Variants in GALR2 observed in about 807,000 individuals in gnomAD.
GALR2 encodes the protein galanin receptor type 2.
GALR2 carries 5 observed loss-of-function variants against 7.2 expected under a neutral mutation model. That is an observed-to-expected ratio of 0.69 (90% CI 0.36 to 1.45). The LOEUF is 1.45. GALR2 is among the 40% of genes most tolerant of loss of function. The pLI is 0.03. For synonymous variants in GALR2, 300 were observed against 263.9 expected, an observed-to-expected ratio of 1.14 and a Z score of -1.32; for missense variants, 561 against 555.7, an observed-to-expected ratio of 1.01 and a Z score of -0.10.
Position 76,075,137 on chromosome 17 carries a change from T to G in GALR2, c.254T>G (p.Ile85Ser). 6.2e-7 allele frequency: 1 copy of G among 1,612,756 alleles called. No individual in the cohort carries two copies. The highest frequency in any genetic ancestry group is 8.5e-7 in the Non-Finnish European group (1 of 1,180,002). The part of the protein sequence containing the change: ...ILCCVPFQAT[I>S]YTLDGWVFGS... The stretch of plus-strand genomic sequence containing the variant: ...TGCTGCGTGCCCTTCCAGGCCACCA[T>G]CTACACCCTGGACGGCTGGGTGTTC... Residue 85 changes from isoleucine to serine, a missense_variant, in exon 1 of 2, where the codon ATC becomes AGC. Ile to Ser is a moderately radical substitution (Grantham distance 142). Coordinates refer to ENST00000329003, the MANE Select transcript of GALR2 (RefSeq NM_003857.4). This position sits in a 1 kb window ranked among gnomAD's most constrained non-coding sequence, Gnocchi z 5.9.
chr17:76,074,382 C>A (rs1381216040), upstream of GALR2, among the ~76,000 whole-genome samples: 1 of 152,218 alleles, frequency 6.6e-6, no homozygotes, highest in African/African-American at 2.4e-5. This position sits in a 1 kb window ranked among gnomAD's most constrained non-coding sequence, Gnocchi z 6.7. Context: ...TGAGGGCACC[C>A]CAGCCCCTCG....
rs2066895503 is a variant in GALR2 at position 76,077,247 on chromosome 17, G to A, written c.980G>A (p.Arg327Gln). Reference sequence around the variant, plus strand: ...TCGGGCCGTGTGTGCGCTGCCGCGCGGGGCACCCACAGTGGCAGCGTGTTG... The same window carrying A: ...TCGGGCCGTGTGTGCGCTGCCGCGCAGGGCACCCACAGTGGCAGCGTGTTG... ...RASGRVCAAA[R>Q]GTHSGSVLER... The change falls in exon 2 of 2, where the codon CGG (arginine) becomes CAG (glutamine). Residue 327 changes from arginine to glutamine, a missense_variant. Transcript: ENST00000329003. The A allele has an allele frequency of 6.2e-7, 1 of 1,604,768 alleles. No individual in the cohort carries two copies. The highest frequency in any genetic ancestry group is 1.7e-5 in the Admixed American group (1 of 59,278).
upstream of GALR2, among the ~76,000 whole-genome samples, chr17:76,073,488 G>T (rs1377736675): frequency 8.8e-5 from 11 of 124,876 alleles, no homozygotes; most frequent in Non-Finnish European, 1.7e-5. Context: ...TGGAGACGGG[G>T]TTTCACCATG....
chr17:76,072,541 TGG>T, upstream of GALR2: 1 of 1,552,338 alleles, frequency 6.4e-7, no homozygotes, highest in African/African-American at 1.4e-5. This position sits in a 1 kb window ranked among gnomAD's most constrained non-coding sequence, Gnocchi z 4.5. Context: ...CGGGACGACC[TGG>T]GCGGGTGAGA....
chr17:76,076,572 G>A lies in GALR2; in HGVS notation c.369-64G>A. The A allele has an allele frequency of 9.0e-7, 1 of 1,106,758 alleles. No homozygotes were observed. Among genetic ancestry groups the A allele is most frequent in the Non-Finnish European group, 1.3e-6 (1 of 766,850 alleles). The allele number at this position is 1,106,758 out of a possible 1,614,324, so 68.6% of individuals were successfully genotyped here. A position where few individuals can be genotyped will look rare whatever the true frequency, so the allele number is the denominator to read the frequency against. ...GCAGCCTTGGGACCGAGGTGCAGGG[G>A]TCGCGGCCCTCCAGCATGAATGTGC... On this transcript the variant is annotated intron_variant, in intron 1 of 1. Transcript: ENST00000329003. This position sits in a 1 kb window ranked among gnomAD's most constrained non-coding sequence, Gnocchi z 6.5.
At chr17:76,072,024 A>G, upstream of GALR2, 1 of 545,796 alleles carries the variant, frequency 1.8e-6, no homozygotes, top group Non-Finnish European at 3.2e-6. This position sits in a 1 kb window ranked among gnomAD's most constrained non-coding sequence, Gnocchi z 4.5. Context: ...CTTGGTCACA[A>G]GCCCTCCAAC....
At chr17:76,072,906 C>T (rs772617809), upstream of GALR2, among the ~76,000 whole-genome samples, 2 of 152,214 alleles carry the variant, frequency 1.3e-5, no homozygotes, top group African/African-American at 2.4e-5. This position sits in a 1 kb window ranked among gnomAD's most constrained non-coding sequence, Gnocchi z 4.5. Flanking sequence ...AGATGGGGTC[C>T]TCCCTACCGG....
rs145000591 is a variant in GALR2 at position 76,077,149 on chromosome 17, G to C, written c.882G>C (p.Leu294=). The C allele has an allele frequency of 1.9e-6, 3 of 1,612,698 alleles. No homozygotes were observed. Among genetic ancestry groups the C allele is most frequent in the Non-Finnish European group, 2.5e-6 (3 of 1,179,788 alleles). The change falls in exon 2 of 2, where the codon CTG becomes CTC. Residue 294 remains leucine (L), a synonymous_variant. Coordinates refer to ENST00000329003, the MANE Select transcript of GALR2 (RefSeq NM_003857.4). ...NSCVNPIVYA[L]VSKHFRKGFR... ...GCGTCAACCCCATCGTTTACGCGCT[G>C]GTCTCCAAGCACTTCCGCAAAGGCT...
At chr17:76,074,666 G>T (rs542763311), upstream of GALR2, 18 of 550,880 alleles carry the variant, frequency 3.3e-5, no homozygotes, top group South Asian at 4.2e-4. The surrounding 1 kb of genome is among the most constrained non-coding windows in gnomAD (Gnocchi z 6.7). Context: ...CCCCAGCGCC[G>T]CCGGCCGCTG....
upstream of GALR2, among the ~76,000 whole-genome samples, chr17:76,073,289 A>C (rs2066869966): frequency 6.8e-6 from 1 of 147,424 alleles, no homozygotes. Context: ...AGGAAGATTA[A>C]ATGACGGATT....
upstream of GALR2, chr17:76,072,446 T>TGCCGCCGCCGCC (rs536477130): frequency 4.6e-4 from 726 of 1,579,288 alleles, 3 homozygotes; most frequent in African/African-American, 8.9e-3. The surrounding 1 kb of genome is among the most constrained non-coding windows in gnomAD (Gnocchi z 4.5). Context: ...CCGCCGCCAC[T>TGCCGCCGCCGCC]GCCGCCGCCG....
upstream of GALR2, chr17:76,072,502 C>A (rs760011014): frequency 4.4e-6 from 7 of 1,580,530 alleles, no homozygotes; most frequent in Admixed American, 3.5e-5. The surrounding 1 kb of genome is among the most constrained non-coding windows in gnomAD (Gnocchi z 4.5). Context: ...CTTGCCCCTG[C>A]GCCGCAGAGC....
Position 76,075,100 on chromosome 17 carries a change from T to C in GALR2, c.217T>C (p.Cys73Arg). 6 of 1,612,322 alleles carry C rather than the reference T, an allele frequency of 3.7e-6. No homozygotes were observed. The highest frequency in any genetic ancestry group is 2.1e-4 in the Middle Eastern group (1 of 4,740). Residue 73 changes from cysteine to arginine, a missense_variant, in exon 1 of 2, where the codon TGT (cysteine) becomes CGT (arginine). Physicochemically the swap from Cys to Arg is radical, Grantham distance 180. Transcript: ENST00000329003. This position sits in a 1 kb window ranked among gnomAD's most constrained non-coding sequence, Gnocchi z 5.9. ...FILNLGVADL[C>R]FILCCVPFQA... ...CCTTAACCTGGGCGTGGCCGACCTG[T>C]GTTTCATCCTGTGCTGCGTGCCCTT...
At chr17:76,072,671 G>T, upstream of GALR2, 1 of 1,277,360 alleles carries the variant, frequency 7.8e-7, no homozygotes, top group South Asian at 1.6e-5. This position sits in a 1 kb window ranked among gnomAD's most constrained non-coding sequence, Gnocchi z 4.5. Flanking sequence ...GTCATCCCGG[G>T]TCCGGAATTG....
At position 76,077,266 on chromosome 17, in the gene GALR2, C is replaced by A. The variant is rs375951258; in HGVS notation, c.999C>A (p.Ser333Arg). The A allele has an allele frequency of 6.2e-6, 10 of 1,601,778 alleles. No homozygotes were observed. The highest frequency in any genetic ancestry group is 7.6e-6 in the Non-Finnish European group (9 of 1,177,142). The change falls in exon 2 of 2, where the codon AGC becomes AGA. Residue 333 changes from serine (S) to arginine (R), a missense_variant. Transcript: ENST00000329003. ...CAAARGTHSG[S>R]VLERESSDLL... ...CCGCGCGGGGCACCCACAGTGGCAG[C>A]GTGTTGGAGCGCGAGTCCAGCGACC... is the stretch of plus-strand genomic sequence containing the variant.
chr17:76,074,017 G>A (rs979167187), upstream of GALR2, among the ~76,000 whole-genome samples: 2 of 152,114 alleles, frequency 1.3e-5, no homozygotes, highest in Admixed American at 6.5e-5. This position sits in a 1 kb window ranked among gnomAD's most constrained non-coding sequence, Gnocchi z 6.7. Context: ...GTGGTGGCAG[G>A]CGCCCGTCAT....
chr17:76,076,102 A>G lies in GALR2; in HGVS notation c.369-534A>G. Among the ~76,000 whole-genome samples the G allele has an allele frequency of 6.6e-6, 1 of 152,220 alleles. No homozygotes were observed. The highest frequency in any genetic ancestry group is 1.9e-4 in the East Asian group (1 of 5,198). ...GCCCCCACACCTCCTGTAGCCACTG[A>G]GCGCGAAGTGCGTTGGTTCCGAGCG... is the stretch of plus-strand genomic sequence containing the variant. On this transcript the variant is annotated intron_variant, in intron 1 of 1. Coordinates refer to ENST00000329003, the MANE Select transcript of GALR2 (RefSeq NM_003857.4). The surrounding 1 kb of genome is among the most constrained non-coding windows in gnomAD (Gnocchi z 6.5).
chr17:76,071,978 G>A (rs2066856345), upstream of GALR2: 2 of 444,114 alleles, frequency 4.5e-6, no homozygotes, highest in Non-Finnish European at 4.0e-6. The surrounding 1 kb of genome is among the most constrained non-coding windows in gnomAD (Gnocchi z 4.7). Flanking sequence ...CCAGTTCAGT[G>A]GCTCAAGGTG....
chr17:76,077,318 G>A lies in GALR2; in HGVS notation c.1051G>A (p.Ala351Thr), dbSNP rs2066896391. ...GTTGCACATGAGCGAGGCGGCGGGG[G>A]CCCTTCGTCCCTGCCCCGGCGCTTC... ...DLLHMSEAAG[A>T]LRPCPGASQP... The change falls in exon 2 of 2, where the codon GCC becomes ACC. Residue 351 changes from alanine (A) to threonine (T), a missense_variant. Ala to Thr is a moderately conservative substitution (Grantham distance 58). Coordinates refer to ENST00000329003, the MANE Select transcript of GALR2 (RefSeq NM_003857.4). The A allele has an allele frequency of 2.5e-6, 4 of 1,579,732 alleles. No individual in the cohort carries two copies. The highest frequency in any genetic ancestry group is 3.4e-6 in the Non-Finnish European group (4 of 1,170,452).
Sources: allele counts gnomAD v4.1 joint callset (sites outside exome capture counted in the v4.1 genomes callset), GRCh38; gene constraint gnomAD v4.1.1; non-coding constraint Gnocchi (gnomAD v3.1); transcripts MANE v1.5; gene names NCBI Gene and HGNC (gene_info 2026-07-23, HGNC 2026-07-21).